Variants in POPDC3 observed in about 807,000 individuals in gnomAD.
POPDC3 encodes the protein popeye domain cAMP effector 3, also known as popeye domain-containing protein 3.
POPDC3 carries 20 observed loss-of-function variants against 28.2 expected under a neutral mutation model. That is an observed-to-expected ratio of 0.71 (90% CI 0.50 to 1.03). POPDC3 has a LOEUF of 1.03. Among genes scored for constraint, POPDC3 ranks in the 50% least tolerant of loss-of-function variants. The pLI is 0.00. For missense variants in POPDC3, 316 were observed against 345.9 expected (o/e 0.91, Z 0.69); for synonymous variants, 118 against 124.1 (o/e 0.95, Z 0.33).
rs369053986 is a variant in POPDC3 at position 105,161,628 on chromosome 6, A to G, written c.282T>C (p.His94=). The G allele has an allele frequency of 8.7e-6, 14 of 1,614,052 alleles. No individual in the cohort carries two copies. The highest frequency in any genetic ancestry group is 2.2e-5 in the South Asian group (2 of 91,088). Residue 94 remains histidine (H), a synonymous_variant, in exon 2 of 4, where the codon CAT becomes CAC. Coordinates refer to ENST00000254765, the MANE Select transcript of POPDC3 (RefSeq NM_022361.5). The part of the protein sequence containing the change: ...LFVICFMQFV[H]IAYQVRSITF... ...TTATGCTGCGAACTTGATATGCAAT[A>G]TGAACAAATTGCATGAAGCAGATGA...
chr6:105,179,494 T>C (rs1485477469), intron 1 of POPDC3, among the ~76,000 whole-genome samples: 1 of 152,054 alleles, frequency 6.6e-6, no homozygotes, highest in Non-Finnish European at 1.5e-5. Flanking sequence ...CAGGAAAAGA[T>C]CTGGGAGGAA....
chr6:105,161,613 A>C lies in POPDC3; in HGVS notation c.297T>G (p.Val99=). The change falls in exon 2 of 4, where the codon GTT becomes GTG. Residue 99 remains valine, a synonymous_variant. Coordinates refer to ENST00000254765, the MANE Select transcript of POPDC3 (RefSeq NM_022361.5). The part of the protein sequence containing the change: ...FMQFVHIAYQ[V]RSITFAREFQ... ...ATTCTCGGGCAAAGGTTATGCTGCG[A>C]ACTTGATATGCAATATGAACAAATT... 1 of 1,614,210 alleles carries C rather than the reference A, an allele frequency of 6.2e-7. No individual in the cohort carries two copies. The highest frequency in any genetic ancestry group is 8.5e-7 in the Non-Finnish European group (1 of 1,180,050).
chr6:105,159,567 G>A, intron 3 of POPDC3, 144 bp downstream of exon 3: 4 of 539,376 alleles, frequency 7.4e-6, no homozygotes, highest in South Asian at 2.5e-5. Flanking sequence ...CAGCAGAATT[G>A]GGAAAGTCAT....
chr6:105,170,015 G>C (rs1774544370), intron 1 of POPDC3: 1 of 152,162 alleles, frequency 6.6e-6, no homozygotes, highest in African/African-American at 2.4e-5. Context: ...AGAAGCTACA[G>C]TTTTTTGAGG....
chr6:105,162,202 AAGG>A, intron 1 of POPDC3, 42 bp from the exon 2 acceptor site: 8 of 1,111,478 alleles, frequency 7.2e-6, no homozygotes, highest in South Asian at 4.0e-5. Flanking sequence ...ATTAAACAAA[AAGG>A]AGAATTGTGG....
intron 1 of POPDC3, among the ~76,000 whole-genome samples, chr6:105,164,359 A>C (rs6928396): frequency 0.15 from 22,318 of 152,100 alleles, 2,769 homozygotes; most frequent in African/African-American, 0.34. Context: ...CAGGGTCATG[A>C]CCCATTATGA....
At chr6:105,166,909 TATTG>T (rs1774468321) in intron 1 of POPDC3, among the ~76,000 whole-genome samples, 2 of 151,962 alleles carry the variant, frequency 1.3e-5, no homozygotes, top group African/African-American at 4.8e-5. Flanking sequence ...ATAACAGCTT[TATTG>T]ATAGAGCATT....
intron 3 of POPDC3, chr6:105,159,081 A>G (rs1356469683): frequency 4.9e-6 from 1 of 205,662 alleles, no homozygotes; most frequent in African/African-American, 2.3e-5. Flanking sequence ...TTTCCAAGTC[A>G]CTTCTGAAGA....
chr6:105,174,876 A>G (rs1744809788), intron 1 of POPDC3, among the ~76,000 whole-genome samples: 1 of 152,210 alleles, frequency 6.6e-6, no homozygotes, highest in Non-Finnish European at 1.5e-5. Flanking sequence ...AGACTAAATT[A>G]TATCTGAAAT....
At chr6:105,177,202 T>C (rs948638299) in intron 1 of POPDC3, 3 of 152,394 alleles carry the variant, frequency 2.0e-5, no homozygotes, top group African/African-American at 7.2e-5. Context: ...TCGCTGCCCA[T>C]CCACTCCCTA....
At chr6:105,173,256 CAAAA>C (rs1774615441) in intron 1 of POPDC3, among the ~76,000 whole-genome samples, 1 of 152,140 alleles carries the variant, frequency 6.6e-6, no homozygotes, top group Non-Finnish European at 1.5e-5. Context: ...TGAGATTCCA[CAAAA>C]TAAATTCCAA....
intron 1 of POPDC3, chr6:105,179,008 C>A: frequency 3.0e-6 from 3 of 985,414 alleles, no homozygotes; most frequent in Non-Finnish European, 3.6e-6. Flanking sequence ...AAGTGGGCTT[C>A]TAATTCTACT....
chr6:105,163,408 G>T (rs1259811890), intron 1 of POPDC3, among the ~76,000 whole-genome samples: 1 of 152,112 alleles, frequency 6.6e-6, no homozygotes, highest in Non-Finnish European at 1.5e-5. Flanking sequence ...CAGGATATAT[G>T]TATCATTTGC....
At chr6:105,160,455 C>CGA (rs397728854) in intron 2 of POPDC3, among the ~76,000 whole-genome samples, 1 of 151,392 alleles carries the variant, frequency 6.6e-6, no homozygotes, top group African/African-American at 2.4e-5. Flanking sequence ...CTCAAGTGAC[C>CGA]CACTAGCCTC....
At chr6:105,179,663 G>A (rs1011151942) in intron 1 of POPDC3, among the ~76,000 whole-genome samples, 170 bp downstream of exon 1, 7 of 152,144 alleles carry the variant, frequency 4.6e-5, no homozygotes, top group Admixed American at 3.9e-4. Flanking sequence ...GACCGGAGCC[G>A]GGAAGGGAGC....
intron 2 of POPDC3, 29 bp from the exon 3 acceptor site, chr6:105,159,848 A>C: frequency 7.0e-7 from 1 of 1,434,732 alleles, no homozygotes; most frequent in Non-Finnish European, 9.8e-7. Context: ...AACATTTATA[A>C]GGGAAGGAGA....
At position 105,161,610 on chromosome 6, in the gene POPDC3, G is replaced by A. The variant is rs753843553; in HGVS notation, c.300C>T (p.Arg100=). The change falls in exon 2 of 4, where the codon CGC becomes CGT. Residue 100 remains arginine, a synonymous_variant. Transcript: ENST00000254765. ...MQFVHIAYQV[R]SITFAREFQV... ...GGAATTCTCGGGCAAAGGTTATGCT[G>A]CGAACTTGATATGCAATATGAACAA... The A allele has an allele frequency of 1.2e-6, 2 of 1,614,050 alleles. No individual in the cohort carries two copies. The highest frequency in any genetic ancestry group is 2.7e-5 in the African/African-American group (2 of 74,916).
In POPDC3 at chr6:105,158,428, G is replaced by T; in HGVS notation, c.*42C>A. 1 of 1,499,880 alleles carries T rather than the reference G, an allele frequency of 6.7e-7. No individual in the cohort carries two copies. The highest frequency in any genetic ancestry group is 1.3e-5 in the South Asian group (1 of 74,930). 92.9% of individuals were successfully genotyped at this position (1,499,880 alleles called of 1,614,324 possible). On this transcript the variant is annotated 3_prime_UTR_variant, in exon 4 of 4. Transcript: ENST00000254765. ...TGCTATTTCACTGGGGAATGATGAA[G>T]AGAGAGTCTTTTTTTATACTTATAA... is the stretch of plus-strand genomic sequence containing the variant.
intron 1 of POPDC3, among the ~76,000 whole-genome samples, chr6:105,164,767 C>T (rs1455887266): frequency 1.3e-5 from 2 of 152,212 alleles, no homozygotes; most frequent in Admixed American, 6.5e-5. Flanking sequence ...AGTTGATCTT[C>T]ACTGCAAAGT....
Sources: gnomAD v4.1 joint callset for allele counts (sites outside exome capture counted in the v4.1 genomes callset) on GRCh38, gnomAD v4.1.1 for gene constraint, MANE v1.5 for transcripts, NCBI Gene and HGNC (gene_info 2026-07-23, HGNC 2026-07-21) for gene names.